L3MBTL1: variants seen among roughly 807,000 people sequenced by gnomAD.
The protein encoded by L3MBTL1 is L3MBTL histone methyl-lysine binding protein 1.
Under a neutral mutation model 105.3 loss-of-function variants are expected in L3MBTL1, and 75 were observed. That is an observed-to-expected ratio of 0.71 (90% confidence interval 0.59 to 0.86). L3MBTL1 has a LOEUF of 0.86. Ranked by LOEUF, L3MBTL1 falls within the 40% of genes least tolerant of loss-of-function variation. The pLI, the probability that L3MBTL1 is intolerant of heterozygous loss-of-function variation, is 0.00. For missense variants in L3MBTL1, 1,069 were observed against 1,126.4 expected (o/e 0.95, Z 0.73); for synonymous variants, 452 against 436.2 (o/e 1.04, Z -0.45).
Position 43,533,428 on chromosome 20 carries a change from C to T in L3MBTL1, c.1513+10C>T, listed in dbSNP as rs775378106. On this transcript the variant is annotated intron_variant, in intron 13 of 21. Transcript: ENST00000418998. ...CTCACCCCTCCACAAGGTGACCCTG[C>T]AGCCTGAGCAAGCCCCCTTTCCTAA... 4.4e-6 allele frequency: 7 copies of T among 1,608,786 alleles called. No homozygotes were observed. Among genetic ancestry groups the T allele is most frequent in the Admixed American group, 1.7e-5 (1 of 58,980 alleles).
chr20:43,528,990 C>G (rs1183910847), intron 8 of L3MBTL1: 1 of 601,882 alleles, frequency 1.7e-6, no homozygotes, highest in African/African-American at 1.9e-5. Context: ...CTTTTGAATT[C>G]TGGTGACTTC....
chr20:43,514,268 G>A, intron 3 of L3MBTL1: 1 of 782,078 alleles, frequency 1.3e-6, no homozygotes, highest in Non-Finnish European at 2.0e-6. Context: ...GTGGCTTGGA[G>A]TGAGGCACTC....
chr20:43,533,443 C>T (rs1289722891), intron 13 of L3MBTL1, 25 bp downstream of exon 13: 1 of 1,599,864 alleles, frequency 6.3e-7, no homozygotes, highest in Non-Finnish European at 8.5e-7. Context: ...TGAGCAAGCC[C>T]CCTTTCCTAA....
chr20:43,519,020 T>G (rs2018562755), intron 7 of L3MBTL1, among the ~76,000 whole-genome samples: 1 of 148,722 alleles, frequency 6.7e-6, no homozygotes, highest in Non-Finnish European at 1.5e-5. Context: ...ACCAAGACTC[T>G]GTCTCAGGGG....
intron 18 of L3MBTL1, among the ~76,000 whole-genome samples, chr20:43,547,102 C>CTTTTTTTTT (rs11478523): frequency 4.7e-4 from 58 of 122,640 alleles, no homozygotes; most frequent in Admixed American, 7.4e-4. Context: ...TTTTTAATGA[C>CTTTTTTTTT]TTTTTTTTTT....
At chr20:43,521,614 G>C (rs2145411815) in intron 7 of L3MBTL1, among the ~76,000 whole-genome samples, 1 of 152,354 alleles carries the variant, frequency 6.6e-6, no homozygotes, top group Admixed American at 6.5e-5. Flanking sequence ...TAACTGAAGA[G>C]AGCAATTTCA....
At chr20:43,522,224 G>A (rs977392158) in intron 7 of L3MBTL1, among the ~76,000 whole-genome samples, 8 of 152,026 alleles carry the variant, frequency 5.3e-5, no homozygotes, top group East Asian at 3.9e-4. Flanking sequence ...GCGTGGTGGC[G>A]TGCCCCTGTA....
downstream of L3MBTL1, among the ~76,000 whole-genome samples, chr20:43,542,918 A>G (rs531056937): frequency 6.6e-6 from 1 of 152,286 alleles, no homozygotes; most frequent in South Asian, 2.1e-4. Context: ...TTTCTTGTTA[A>G]TGGTCAACAT....
intron 19 of L3MBTL1, among the ~76,000 whole-genome samples, chr20:43,538,217 C>T (rs527940444): frequency 1.3e-5 from 2 of 152,324 alleles, no homozygotes; most frequent in African/African-American, 2.4e-5. Flanking sequence ...CTCTTGTACC[C>T]ATCTGTGGTA....
rs1273260638 is a variant in L3MBTL1 at position 43,514,071 on chromosome 20, TGTGGGGATTG to T, written c.360+12_360+21del. ...AGGGGGCGGCCTGCGGGTCAGTGTC[TGTGGGGATTG>T]GCTAAGCCTCGTAAACCGCAGCCAT... On this transcript the variant is annotated intron_variant, in intron 3 of 21. Transcript: ENST00000418998. 3 of 1,530,004 alleles carry T rather than the reference TGTGGGGATTG, an allele frequency of 2.0e-6. No homozygotes were observed. The highest frequency in any genetic ancestry group is 2.6e-6 in the Non-Finnish European group (3 of 1,143,544). The allele number at this position is 1,530,004 out of a possible 1,614,324, so 94.8% of individuals were successfully genotyped here. A position where few individuals can be genotyped will look rare whatever the true frequency, so the allele number is the denominator to read the frequency against.
chr20:43,534,740 T>C (rs1457832785), intron 15 of L3MBTL1, 88 bp from the exon 16 acceptor site: 1 of 895,016 alleles, frequency 1.1e-6, no homozygotes, highest in South Asian at 1.5e-5. Context: ...ATCTTGCTTC[T>C]GACAGGTCCC....
At position 43,530,796 on chromosome 20, in the gene L3MBTL1, A is replaced by G. The variant is rs946625262; in HGVS notation, c.1193-2A>G. ...TCTGTTCATGCCCCTCGAGGGGCCT[A>G]GGTTACAAGGAGGAGGAGTTCAGCT... On this transcript the variant is annotated splice_acceptor_variant, in intron 10 of 21. Coordinates refer to ENST00000418998, the MANE Select transcript of L3MBTL1 (RefSeq NM_001377303.1). LOFTEE classifies it high-confidence loss of function. 1.2e-6 allele frequency: 2 copies of G among 1,613,888 alleles called. No homozygotes were observed. The highest frequency in any genetic ancestry group is 2.2e-5 in the East Asian group (1 of 44,868).
intron 4 of L3MBTL1, 102 bp downstream of exon 4, chr20:43,514,878 TGGA>T: frequency 3.5e-6 from 5 of 1,446,382 alleles, no homozygotes; most frequent in Non-Finnish European, 4.6e-6. Flanking sequence ...GGTCCTGGGG[TGGA>T]GAAGGCTGGA....
chr20:43,541,937 A>T (rs934886329), downstream of L3MBTL1: 2 of 983,760 alleles, frequency 2.0e-6, no homozygotes, highest in Non-Finnish European at 2.4e-6. Context: ...TCGGCCGGGC[A>T]CAGTGGCTCA....
intron 7 of L3MBTL1, among the ~76,000 whole-genome samples, chr20:43,519,336 CAAA>C (rs35982746): frequency 1.7e-4 from 15 of 90,016 alleles, no homozygotes; most frequent in African/African-American, 2.3e-4. Flanking sequence ...AACCCTGACT[CAAA>C]AAAAAAAAAA....
At chr20:43,550,910 C>T (rs981771494) in exon 19 of L3MBTL1, 5 of 152,190 alleles carry the variant, frequency 3.3e-5, no homozygotes, top group African/African-American at 1.2e-4. Flanking sequence ...TGTGATCTGT[C>T]AGTGTATCAA....
chr20:43,528,833 G>T, intron 8 of L3MBTL1, 88 bp downstream of exon 8: 1 of 998,332 alleles, frequency 1.0e-6, no homozygotes, highest in Middle Eastern at 2.1e-4. Flanking sequence ...CGTTTTCTGT[G>T]TCAGGCATGC....
At chr20:43,514,854 G>A (rs1156990178) in intron 4 of L3MBTL1, 78 bp downstream of exon 4, 2 of 1,464,348 alleles carry the variant, frequency 1.4e-6, no homozygotes, top group African/African-American at 2.8e-5. Flanking sequence ...AGGTTCGGGG[G>A]CGGGGCCCGG....
exon 19 of L3MBTL1, chr20:43,550,326 T>G (rs1326757193): frequency 6.6e-6 from 1 of 152,200 alleles, no homozygotes; most frequent in Admixed American, 6.5e-5. Context: ...CCATCAGATC[T>G]GCCAAGCACC....
Sources: gnomAD v4.1 joint callset for allele counts (sites outside exome capture counted in the v4.1 genomes callset) on GRCh38, gnomAD v4.1.1 for gene constraint, MANE v1.5 for transcripts, NCBI Gene and HGNC (gene_info 2026-07-23, HGNC 2026-07-21) for gene names.